Variants in GBP1 observed in about 807,000 individuals in gnomAD.
The protein encoded by GBP1 is guanylate-binding protein 1.
A neutral mutation model predicts 69.5 loss-of-function variants in GBP1; 64 were observed. The ratio of observed to expected loss-of-function variants is 0.92; its 90% CI spans 0.75 to 1.13. The LOEUF (loss-of-function observed/expected upper bound fraction) is 1.13, where lower values mean the gene tolerates loss of function less well. GBP1 is among the 50% of genes most tolerant of loss of function. The pLI is 0.00. For missense variants in GBP1, 630 were observed against 704.1 expected (o/e 0.89, Z 1.19); for synonymous variants, 250 against 261.2 (o/e 0.96, Z 0.41).
intron 3 of GBP1, 63 bp from the exon 4 acceptor site, chr1:89,059,489 A>G: frequency 6.3e-7 from 1 of 1,577,004 alleles, no homozygotes; most frequent in South Asian, 1.1e-5. Flanking sequence ...TTTCAGAGTA[A>G]CAGTAGTAAA....
intron 3 of GBP1, 105 bp from the exon 4 acceptor site, chr1:89,059,531 C>CTT: frequency 6.0e-6 from 5 of 836,628 alleles, no homozygotes; most frequent in Non-Finnish European, 8.2e-6. Flanking sequence ...GTTTTTTTTT[C>CTT]TTTTCTTTTT....
chr1:89,064,344 G>C (rs1401990964), intron 1 of GBP1, among the ~76,000 whole-genome samples: 1 of 151,928 alleles, frequency 6.6e-6, no homozygotes, highest in Non-Finnish European at 1.5e-5. Context: ...AGACTTTGCA[G>C]AAGGCAGGAT....
chr1:89,059,184 C>G, intron 4 of GBP1, 133 bp downstream of exon 4: 1 of 1,590,244 alleles, frequency 6.3e-7, no homozygotes, highest in Non-Finnish European at 8.6e-7. Context: ...CATGGGATCT[C>G]TCCTCTGTAC....
intron 6 of GBP1, among the ~76,000 whole-genome samples, chr1:89,057,341 T>C (rs566806349): frequency 1.1e-3 from 162 of 152,362 alleles, no homozygotes; most frequent in African/African-American, 3.6e-3. Context: ...TCAGAAGATA[T>C]GTATGCATAC....
In GBP1 at chr1:89,063,239, A is replaced by G. The variant is rs1300339017; in HGVS notation, c.-5T>C. ...CATGTGGATCTCTGATGCCATGTCC[A>G]GGCTGTTCCCTTGTCTGCAAGAGAA... On this transcript the variant is annotated 5_prime_UTR_variant, in exon 2 of 11. Coordinates refer to ENST00000370473, the MANE Select transcript of GBP1 (RefSeq NM_002053.3). The G allele has an allele frequency of 1.2e-6, 2 of 1,613,518 alleles. No homozygotes were observed. The highest frequency in any genetic ancestry group is 2.2e-5 in the East Asian group (1 of 44,884).
chr1:89,055,234 C>A lies in GBP1; in HGVS notation c.1369-19G>T. 5 of 1,613,066 alleles carry A rather than the reference C, an allele frequency of 3.1e-6. No individual in the cohort carries two copies. The highest frequency in any genetic ancestry group is 4.2e-6 in the Non-Finnish European group (5 of 1,179,774). On this transcript the variant is annotated intron_variant, in intron 8 of 10. Coordinates refer to ENST00000370473, the MANE Select transcript of GBP1 (RefSeq NM_002053.3). ...CTTCAGCCTTAGGACCCAGAGAACA[C>A]AGAGTGAGAAGTAGGAAATGGCTGT...
chr1:89,063,104 A>C lies in GBP1; in HGVS notation c.131T>G (p.Val44Gly). 6.2e-7 allele frequency: 1 copy of C among 1,614,090 alleles called. No individual in the cohort carries two copies. The highest frequency in any genetic ancestry group is 8.5e-7 in the Non-Finnish European group (1 of 1,179,990). Residue 44 changes from valine (V) to glycine (G), a missense_variant, in exon 2 of 11, where the codon GTG (valine) becomes GGG (glycine). Coordinates refer to ENST00000370473, the MANE Select transcript of GBP1 (RefSeq NM_002053.3). ...ITQPMVVVAI[V>G]GLYRTGKSYL... ...GGATTTGCCTGTGCGGTAGAGGCCC[A>C]CAATTGCCACCACCACCATAGGCTG...
At position 89,056,167 on chromosome 1, in the gene GBP1, C is replaced by T. The variant is rs140785577; in HGVS notation, c.1217G>A (p.Arg406His). The T allele has an allele frequency of 7.7e-5, 125 of 1,613,938 alleles. No homozygotes were observed. The Admixed American group carries it at 1.4e-3, about 18-fold the overall frequency. Reference sequence around the variant, plus strand: ...AATGACCTGAAGTAAAGCTGAGCAACGATCTGATGATGCTTCCTGATTCTG... The same window carrying T: ...AATGACCTGAAGTAAAGCTGAGCAATGATCTGATGATGCTTCCTGATTCTG... ...CKQNQEASSDRCSALLQVIFS... is the reference protein window; with the variant it reads ...CKQNQEASSDHCSALLQVIFS... The change falls in exon 8 of 11, where the codon CGT (arginine) becomes CAT (histidine). Residue 406 changes from arginine (R) to histidine (H), a missense_variant. Around this residue, in one of 5 missense-constraint regions of GBP1, gnomAD observed 367 missense variants for 369.5 expected, o/e 0.99. Coordinates refer to ENST00000370473, the MANE Select transcript of GBP1 (RefSeq NM_002053.3).
At position 89,056,224 on chromosome 1, in the gene GBP1, T is replaced by G. The variant is rs779435034; in HGVS notation, c.1160A>C (p.Gln387Pro). The G allele has an allele frequency of 6.2e-7, 1 of 1,613,972 alleles. No homozygotes were observed. Among genetic ancestry groups the G allele is most frequent in the East Asian group, 2.2e-5 (1 of 44,890 alleles). The change falls in exon 8 of 11, where the codon CAG becomes CCG. Residue 387 changes from glutamine (Q) to proline (P), a missense_variant. Transcript: ENST00000370473. ...AAAGTCATCCCGCTTTTTTTCTAGCTGGGCCTTTAATGTAAAAATAGGAAG... is the reference window on the plus strand; with the variant it reads ...AAAGTCATCCCGCTTTTTTTCTAGCGGGGCCTTTAATGTAAAAATAGGAAG... ...DHLFQKELAAQLEKKRDDFCK... is the reference protein window; with the variant it reads ...DHLFQKELAAPLEKKRDDFCK...
At position 89,058,128 on chromosome 1, in the gene GBP1, C is replaced by T. The variant is rs1680092701; in HGVS notation, c.738G>A (p.Lys246=). Residue 246 remains lysine (K), a synonymous_variant, in exon 6 of 11, where the codon AAG becomes AAA. Coordinates refer to ENST00000370473, the MANE Select transcript of GBP1 (RefSeq NM_002053.3). The part of the protein sequence containing the change: ...FVFDRPVHRR[K]LAQLEKLQDE... ...CTTGTAGTTTCTCGAGCTGGGCAAG[C>T]TTCCTGCGGTGAACGGGCCGATCAA... 4 of 1,614,172 alleles carry T rather than the reference C, an allele frequency of 2.5e-6. No homozygotes were observed. The African/African-American group carries it at 4.0e-5, about 16-fold the overall frequency.
At chr1:89,055,898 A>G in intron 8 of GBP1, 118 bp downstream of exon 8, 2 of 1,227,966 alleles carry the variant, frequency 1.6e-6, no homozygotes, top group Non-Finnish European at 1.2e-6. Context: ...TATTGAATAA[A>G]AGCATGAATG....
At chr1:89,054,093 A>G (rs564880179) in intron 10 of GBP1, among the ~76,000 whole-genome samples, 1 of 152,264 alleles carries the variant, frequency 6.6e-6, no homozygotes, top group South Asian at 2.1e-4. Flanking sequence ...TACATATGTT[A>G]TTAAGCAAGA....
intron 3 of GBP1, among the ~76,000 whole-genome samples, 161 bp from the exon 4 acceptor site, chr1:89,059,587 CA>C (rs1323256935): frequency 7.8e-6 from 1 of 128,642 alleles, no homozygotes; most frequent in African/African-American, 2.9e-5. Flanking sequence ...AAGACAAATA[CA>C]AAAATTATTC....
Position 89,058,397 on chromosome 1 carries a change from T to C in GBP1, c.632-163A>G, listed in dbSNP as rs1680099179. On this transcript the variant is annotated intron_variant, in intron 5 of 10. Coordinates refer to ENST00000370473, the MANE Select transcript of GBP1 (RefSeq NM_002053.3). Reference sequence around the variant, plus strand: ...CAGCTTTAGACAATATGTAAATGAATGGGCATAGCATTATTCCAAAAAAAC... The same window carrying C: ...CAGCTTTAGACAATATGTAAATGAACGGGCATAGCATTATTCCAAAAAAAC... The C allele has an allele frequency of 8.0e-6, 5 of 626,668 alleles. No homozygotes were observed. The South Asian group carries it at 1.2e-4, about 15-fold the overall frequency. The allele number at this position is 626,668 out of a possible 1,614,324, so 38.8% of individuals were successfully genotyped here. A position where few individuals can be genotyped will look rare whatever the true frequency, so the allele number is the denominator to read the frequency against.
chr1:89,053,684 A>T (rs1679974644), intron 10 of GBP1, among the ~76,000 whole-genome samples: 1 of 152,200 alleles, frequency 6.6e-6, no homozygotes, highest in Non-Finnish European at 1.5e-5. Flanking sequence ...GTATCCTCAA[A>T]ATCTCATAAG....
chr1:89,055,452 G>A, intron 8 of GBP1: 1 of 486,114 alleles, frequency 2.1e-6, no homozygotes. Flanking sequence ...GAGAGTCTCT[G>A]TCCTGTTTAG....
chr1:89,057,687 T>A (rs543921932), intron 6 of GBP1, among the ~76,000 whole-genome samples: 1 of 152,246 alleles, frequency 6.6e-6, no homozygotes, highest in Non-Finnish European at 1.5e-5. Context: ...AATTGACTTT[T>A]AAATTTTCCC....
chr1:89,059,152 AG>A (rs1680118280), intron 4 of GBP1, 109 bp from the exon 5 acceptor site: 1 of 1,587,810 alleles, frequency 6.3e-7, no homozygotes, highest in East Asian at 2.3e-5. Context: ...CCTAAGTGTC[AG>A]TGTCAGTTCT....
chr1:89,055,337 G>T, intron 8 of GBP1, 122 bp from the exon 9 acceptor site: 1 of 1,502,436 alleles, frequency 6.7e-7, no homozygotes, highest in Non-Finnish European at 8.9e-7. Flanking sequence ...TGTCCTTGGT[G>T]GTCAAATTCC....
Sources: allele counts gnomAD v4.1 joint callset (sites outside exome capture counted in the v4.1 genomes callset), GRCh38; gene constraint gnomAD v4.1.1; regional missense constraint gnomAD v4.1.1; transcripts MANE v1.5; gene names NCBI Gene and HGNC (gene_info 2026-07-23, HGNC 2026-07-21).